The following KCNA3 variants were observed in gnomAD, a reference collection of about 807,000 sequenced individuals.
KCNA3 encodes the protein RP11-284N8.3.
In KCNA3, 18 loss-of-function variants were observed where a neutral mutation model predicts 34.3. The ratio of observed to expected loss-of-function variants is 0.52; its 90% confidence interval spans 0.36 to 0.78. The LOEUF (loss-of-function observed/expected upper bound fraction) is 0.78, where lower values mean the gene tolerates loss of function less well. Among genes scored for constraint, KCNA3 ranks in the 30% least tolerant of loss-of-function variants. KCNA3 has a pLI of 0.00. For synonymous variants in KCNA3, 324 were observed against 351.7 expected (o/e 0.92, Z 0.88); for missense variants, 587 against 802.5 (o/e 0.73, Z 3.24).
the KCNA3 span, among the ~76,000 whole-genome samples, chr1:110,657,662 GTAA>G: frequency 7.2e-5 from 11 of 152,130 alleles, no homozygotes; most frequent in Non-Finnish European, 1.5e-4. Flanking sequence ...ACTGTAACCT[GTAA>G]TAATAATTCA....
the KCNA3 span, among the ~76,000 whole-genome samples, chr1:110,658,895 G>C: frequency 5.9e-5 from 9 of 152,104 alleles, no homozygotes; most frequent in Non-Finnish European, 1.0e-4. Context: ...GTCAAGTTCA[G>C]CTCAGCTAAA....
the KCNA3 span, among the ~76,000 whole-genome samples, chr1:110,664,756 A>G: frequency 6.6e-6 from 1 of 152,250 alleles, no homozygotes; most frequent in South Asian, 2.1e-4. Context: ...AACAAAATAA[A>G]TAAAATACCT....
At position 110,673,500 on chromosome 1, in the gene KCNA3, C is replaced by T; in HGVS notation, c.1310G>A (p.Trp437Ter). Residue 437 changes from tryptophan to a stop codon, truncating the protein, a stop_gained, in exon 1 of 1, where the codon TGG becomes TAG. Coordinates refer to ENST00000369769, the MANE Select transcript of KCNA3 (RefSeq NM_002232.5). LOFTEE classifies it high-confidence loss of function. The surrounding 1 kb of genome is among the most constrained non-coding windows in gnomAD (Gnocchi z 8.8). ...CACTGTTGTCATGGTTACCACTGCCCACCAGAAGGCATCCGGGATGCTGCT... is the reference window on the plus strand; with the variant it reads ...CACTGTTGTCATGGTTACCACTGCCTACCAGAAGGCATCCGGGATGCTGCT... ...GFSSIPDAFW[W>*]AVVTMTTVGY... The T allele has an allele frequency of 6.2e-7, 1 of 1,614,170 alleles. No individual in the cohort carries two copies. Among genetic ancestry groups the T allele is most frequent in the Non-Finnish European group, 8.5e-7 (1 of 1,180,032 alleles).
the KCNA3 span, among the ~76,000 whole-genome samples, chr1:110,659,238 T>TTA: frequency 0.6 from 90,367 of 151,642 alleles, 27,053 homozygotes; most frequent in Admixed American, 0.62. Flanking sequence ...TAGGCTTTCT[T>TTA]TCTGCAGCAC....
chr1:110,674,848 T>C lies in KCNA3; in HGVS notation c.-39A>G, dbSNP rs1570803502. Reference sequence around the variant, plus strand: ...GGCGGCAGCGGTGAGGCCAGGTCGCTCCTCCTCGCGCTCCCCGCCCTTTCG... The same window carrying C: ...GGCGGCAGCGGTGAGGCCAGGTCGCCCCTCCTCGCGCTCCCCGCCCTTTCG... On this transcript the variant is annotated 5_prime_UTR_variant, in exon 1 of 1. Transcript: ENST00000369769. The surrounding 1 kb of genome is among the most constrained non-coding windows in gnomAD (Gnocchi z 6.4). 4.7e-6 allele frequency: 6 copies of C among 1,282,064 alleles called. No homozygotes were observed. In the East Asian group the frequency reaches 1.6e-4, roughly 34 times the overall value. 79.4% of individuals were successfully genotyped at this position (1,282,064 alleles called of 1,614,324 possible).
In KCNA3 at chr1:110,672,853, AGAGAGAGGGTAAGAGGGAAAAGGAGAG is replaced by A. The variant is rs1651936981; in HGVS notation, c.*202_*228del. On this transcript the variant is annotated 3_prime_UTR_variant, in exon 1 of 1. Transcript: ENST00000369769. ...TAAGTCTGTTGTTTACAATGTTAAGAGAGAGAGGGTAAGAGGGAAAAGGAGAGCTGAGAGAATGCAGCCCACTTGCAA... is the reference window on the plus strand; with the variant it reads ...TAAGTCTGTTGTTTACAATGTTAAGACTGAGAGAATGCAGCCCACTTGCAA... The A allele has an allele frequency of 1.9e-6, 1 of 519,324 alleles. No individual in the cohort carries two copies. The highest frequency in any genetic ancestry group is 3.4e-6 in the Non-Finnish European group (1 of 294,070). The allele number at this position is 519,324 out of a possible 1,614,324, so 32.2% of individuals were successfully genotyped here.
In KCNA3 at chr1:110,674,743, G is replaced by A; in HGVS notation, c.67C>T (p.Pro23Ser). Residue 23 changes from proline to serine, a missense_variant, in exon 1 of 1, where the codon CCT becomes TCT. Around this residue, in one of 7 missense-constraint regions of KCNA3, gnomAD observed 341 missense variants for 355.4 expected, o/e 0.96. Transcript: ENST00000369769. The surrounding 1 kb of genome is among the most constrained non-coding windows in gnomAD (Gnocchi z 6.4). Reference sequence around the variant, plus strand: ...CCGCCGCTGCTCGCTGGGCGCTGAGGAGGGTGGGCGCGGTGGCGGGCTGAG... The same window carrying A: ...CCGCCGCTGCTCGCTGGGCGCTGAGAAGGGTGGGCGCGGTGGCGGGCTGAG... Reference protein sequence around the residue: ...PPSARHRAHPPQRPASSGGAH... With the variant: ...PPSARHRAHPSQRPASSGGAH... 1 of 1,397,942 alleles carries A rather than the reference G, an allele frequency of 7.2e-7. No homozygotes were observed. Among genetic ancestry groups the A allele is most frequent in the Non-Finnish European group, 9.2e-7 (1 of 1,083,530 alleles). The allele number at this position is 1,397,942 out of a possible 1,614,324, so 86.6% of individuals were successfully genotyped here.
chr1:110,660,814 G>T, the KCNA3 span, among the ~76,000 whole-genome samples: 1 of 152,138 alleles, frequency 6.6e-6, no homozygotes, highest in Non-Finnish European at 1.5e-5. Context: ...AGAGGATAAA[G>T]CAATACAATA....
rs781253056 is a variant in KCNA3 at position 110,674,659 on chromosome 1, G to A, written c.151C>T (p.Pro51Ser). ...AEPAAGRELP[P>S]DMTVVPGDHL... ...TCCCCGGGCACCACGGTCATGTCGG[G>A]CGGCAGCTCGCGGCCTGCGGCGGGC... The change falls in exon 1 of 1, where the codon CCC becomes TCC. Residue 51 changes from proline (P) to serine (S), a missense_variant. This residue lies in a region of KCNA3 where 341 missense variants were observed against 355.4 expected (regional missense o/e 0.96). Coordinates refer to ENST00000369769, the MANE Select transcript of KCNA3 (RefSeq NM_002232.5). This position sits in a 1 kb window ranked among gnomAD's most constrained non-coding sequence, Gnocchi z 6.4. 2.8e-5 allele frequency: 42 copies of A among 1,520,210 alleles called. No homozygotes were observed. In the African/African-American group the frequency reaches 3.9e-4, roughly 14 times the overall value. 94.2% of individuals were successfully genotyped at this position (1,520,210 alleles called of 1,614,324 possible). A position where few individuals can be genotyped will look rare whatever the true frequency, so the allele number is the denominator to read the frequency against.
chr1:110,664,963 C>G, the KCNA3 span, among the ~76,000 whole-genome samples: 1 of 152,124 alleles, frequency 6.6e-6, no homozygotes, highest in Non-Finnish European at 1.5e-5. Context: ...CAAGGTGGAG[C>G]ATGCCTGGTG....
In KCNA3 at chr1:110,674,158, G is replaced by T; in HGVS notation, c.652C>A (p.Arg218Ser). The T allele has an allele frequency of 6.2e-7, 1 of 1,613,364 alleles. No homozygotes were observed. The highest frequency in any genetic ancestry group is 1.3e-5 in the African/African-American group (1 of 75,042). ...ERPLPRRDFQ[R>S]QVWLLFEYPE... The stretch of plus-strand genomic sequence containing the variant: ...TACTCGAAGAGCAGCCACACCTGGC[G>T]CTGGAAGTCGCGGCGGGGCAAGGGC... The change falls in exon 1 of 1, where the codon CGC (arginine) becomes AGC (serine). Residue 218 changes from arginine (R) to serine (S), a missense_variant. Arg to Ser is a moderately radical substitution (Grantham distance 110, BLOSUM62 -1). Coordinates refer to ENST00000369769, the MANE Select transcript of KCNA3 (RefSeq NM_002232.5). This position sits in a 1 kb window ranked among gnomAD's most constrained non-coding sequence, Gnocchi z 6.4.
chr1:110,661,849 T>C, the KCNA3 span, among the ~76,000 whole-genome samples: 1 of 152,076 alleles, frequency 6.6e-6, no homozygotes, highest in Non-Finnish European at 1.5e-5. Context: ...GGCTCACGCC[T>C]ATAATCCCAG....
At chr1:110,659,688 A>G in the KCNA3 span, among the ~76,000 whole-genome samples, 1 of 152,162 alleles carries the variant, frequency 6.6e-6, no homozygotes, top group Non-Finnish European at 1.5e-5. Flanking sequence ...AACCAGCCCA[A>G]ATGTCCCCAA....
At chr1:110,670,302 C>A (rs530513476), downstream of KCNA3, among the ~76,000 whole-genome samples, 3 of 152,274 alleles carry the variant, frequency 2.0e-5, no homozygotes, top group East Asian at 5.8e-4. Flanking sequence ...AGGGAACTTA[C>A]AATGTGGTGA....
chr1:110,661,527 T>C, the KCNA3 span, among the ~76,000 whole-genome samples: 1 of 152,236 alleles, frequency 6.6e-6, no homozygotes. Flanking sequence ...GTAACATGAA[T>C]GACCTAGCAT....
chr1:110,658,550 TC>T, the KCNA3 span, among the ~76,000 whole-genome samples: 1 of 152,176 alleles, frequency 6.6e-6, no homozygotes, highest in Admixed American at 6.5e-5. Flanking sequence ...AAGTGAAATG[TC>T]CCCAAATGGG....
the KCNA3 span, chr1:110,653,999 A>G: frequency 8.5e-5 from 13 of 152,206 alleles, no homozygotes; most frequent in African/African-American, 2.7e-4. Context: ...TGCATTGCTA[A>G]TCAGTAAAAG....
Position 110,673,117 on chromosome 1 carries a change from A to T in KCNA3, c.1693T>A (p.Cys565Ser). 6.2e-7 allele frequency: 1 copy of T among 1,613,586 alleles called. No individual in the cohort carries two copies. Among genetic ancestry groups the T allele is most frequent in the Admixed American group, 1.7e-5 (1 of 59,978 alleles). ...GTGAATATCTTTTTGATGTTGACACAAGAGTTGGGATTATTGTTCGTGGTG... is the reference window on the plus strand; with the variant it reads ...GTGAATATCTTTTTGATGTTGACACTAGAGTTGGGATTATTGTTCGTGGTG... ...TCTTNNNPNS[C>S]VNIKKIFTDV The change falls in exon 1 of 1, where the codon TGT becomes AGT. Residue 565 changes from cysteine (C) to serine (S), a missense_variant. Physicochemically the swap from Cys to Ser is moderately radical, Grantham distance 112. Transcript: ENST00000369769. This position sits in a 1 kb window ranked among gnomAD's most constrained non-coding sequence, Gnocchi z 8.8.
At chr1:110,665,242 G>A in the KCNA3 span, among the ~76,000 whole-genome samples, 1 of 152,222 alleles carries the variant, frequency 6.6e-6, no homozygotes, top group Non-Finnish European at 1.5e-5. Context: ...GATGGAAACT[G>A]GAGGACCAAT....
Sources: allele counts gnomAD v4.1 joint callset (sites outside exome capture counted in the v4.1 genomes callset), GRCh38; gene constraint gnomAD v4.1.1; regional missense constraint gnomAD v4.1.1; non-coding constraint Gnocchi (gnomAD v3.1); transcripts MANE v1.5; gene names NCBI Gene and HGNC (gene_info 2026-07-23, HGNC 2026-07-21).